The following PRKCI variants were observed in gnomAD, a reference collection of about 807,000 sequenced individuals.
PRKCI encodes protein kinase C iota type.
Under a neutral mutation model 84.0 loss-of-function variants are expected in PRKCI, and 43 were observed. That is an observed-to-expected ratio of 0.51 (90% CI 0.40 to 0.66). The LOEUF (loss-of-function observed/expected upper bound fraction) is 0.66, where lower values mean the gene tolerates loss of function less well. Among genes scored for constraint, PRKCI ranks in the 30% least tolerant of loss-of-function variants. The pLI is 0.00. For missense variants in PRKCI, 459 were observed against 745.6 expected, an observed-to-expected ratio of 0.62 and a Z score of 4.48; for synonymous variants, 216 against 234.4, an observed-to-expected ratio of 0.92 and a Z score of 0.72.
chr3:170,282,482 A>C (rs1734271663), intron 11 of PRKCI, among the ~76,000 whole-genome samples: 1 of 150,490 alleles, frequency 6.6e-6, no homozygotes, highest in Non-Finnish European at 1.5e-5. Context: ...GGATCACCTG[A>C]GGTCAGGAGT....
intron 4 of PRKCI, among the ~76,000 whole-genome samples, chr3:170,264,893 A>C (rs1379420886): frequency 6.6e-6 from 1 of 152,034 alleles, no homozygotes; most frequent in East Asian, 1.9e-4. Context: ...CTGAATAGAA[A>C]CTGCACTCCA....
At chr3:170,227,357 G>T (rs1732657420) in intron 1 of PRKCI, among the ~76,000 whole-genome samples, 1 of 152,182 alleles carries the variant, frequency 6.6e-6, no homozygotes, top group Non-Finnish European at 1.5e-5. Flanking sequence ...GGTAGGTAAG[G>T]CTCTGCCTTT....
intron 1 of PRKCI, among the ~76,000 whole-genome samples, chr3:170,232,559 C>T (rs993274780): frequency 5.3e-5 from 8 of 151,430 alleles, no homozygotes; most frequent in African/African-American, 1.5e-4. Context: ...ACCCACAATA[C>T]AAAGCTGGGT....
rs768272252 is a variant in PRKCI at position 170,297,423 on chromosome 3, G to A, written c.1587+30G>A. On this transcript the variant is annotated intron_variant, in intron 16 of 17. Coordinates refer to ENST00000295797, the MANE Select transcript of PRKCI (RefSeq NM_002740.6). ...GTAAATTTTGATTACTCAACTATTA[G>A]GTTTCATTATTATCTTGGGCCAATT... 3.2e-6 allele frequency: 5 copies of A among 1,546,966 alleles called. No individual in the cohort carries two copies. In the South Asian group the frequency reaches 4.6e-5, roughly 14 times the overall value.
chr3:170,254,482 T>C lies in PRKCI; in HGVS notation c.224-5487T>C, dbSNP rs1733534625. Among the ~76,000 whole-genome samples, 3 of 152,226 alleles carry C rather than the reference T, an allele frequency of 2.0e-5. No individual in the cohort carries two copies. The South Asian group carries it at 6.2e-4, about 31-fold the overall frequency. On this transcript the variant is annotated intron_variant, in intron 2 of 17. Coordinates refer to ENST00000295797, the MANE Select transcript of PRKCI (RefSeq NM_002740.6). ...AATTCATTTTGATTTGATTTTTGTA[T>C]ATGGCGAGAAATAGGGGTCTAGTTT...
chr3:170,261,127 A>AT lies in PRKCI; in HGVS notation c.313+1087dup, dbSNP rs982994574. ...ACTGCCGCACCACTATGACTGGCTA[A>AT]TTTTTTTTTTTTTTTTTTGTATAGA... On this transcript the variant is annotated intron_variant, in intron 3 of 17. Transcript: ENST00000295797. 4.6e-3 allele frequency among the ~76,000 whole-genome samples: 618 copies of AT among 134,596 alleles called. 4 individuals are homozygous for AT. The highest frequency in any genetic ancestry group is 0.017 in the South Asian group (74 of 4,252). The allele number at this position is 134,596 out of a possible 152,430, so 88.3% of individuals were successfully genotyped here.
At chr3:170,300,090 T>A (rs1054375504) in intron 17 of PRKCI, among the ~76,000 whole-genome samples, 2 of 152,222 alleles carry the variant, frequency 1.3e-5, no homozygotes, top group Non-Finnish European at 2.9e-5. Context: ...AGGGAGGCCC[T>A]TATTGTTTGG....
At chr3:170,275,845 T>TA (rs1205824095) in intron 8 of PRKCI, among the ~76,000 whole-genome samples, 18 of 152,098 alleles carry the variant, frequency 1.2e-4, no homozygotes, top group Non-Finnish European at 1.2e-4. Context: ...CCATAATATT[T>TA]ATATTTCTGT....
At chr3:170,285,235 A>G (rs1206660711) in intron 12 of PRKCI, among the ~76,000 whole-genome samples, 1 of 151,832 alleles carries the variant, frequency 6.6e-6, no homozygotes, top group Admixed American at 6.6e-5. Context: ...GCCTGCCACC[A>G]CGCCCAGCTA....
intron 8 of PRKCI, among the ~76,000 whole-genome samples, chr3:170,279,231 A>G (rs1167194166): frequency 1.3e-5 from 2 of 152,072 alleles, no homozygotes; most frequent in Non-Finnish European, 1.5e-5. Flanking sequence ...GTTTCTTGGC[A>G]CATTGCCCAG....
chr3:170,234,689 A>G (rs1455566305), intron 1 of PRKCI, among the ~76,000 whole-genome samples: 1 of 152,214 alleles, frequency 6.6e-6, no homozygotes, highest in Non-Finnish European at 1.5e-5. Flanking sequence ...CTTTAAATCA[A>G]GCAATTCTCT....
intron 4 of PRKCI, among the ~76,000 whole-genome samples, chr3:170,264,855 G>A (rs543337161): frequency 5.3e-5 from 8 of 152,178 alleles, no homozygotes; most frequent in African/African-American, 1.9e-4. Flanking sequence ...TAGCCATTGG[G>A]TCCCACAGCA....
intron 2 of PRKCI, among the ~76,000 whole-genome samples, chr3:170,258,583 A>C (rs1406175044): frequency 3.3e-5 from 5 of 152,134 alleles, no homozygotes; most frequent in Non-Finnish European, 7.4e-5. Context: ...ATTACAGGCC[A>C]CCACACCTGG....
At chr3:170,240,849 C>G (rs1243484497) in intron 2 of PRKCI, among the ~76,000 whole-genome samples, 1 of 152,268 alleles carries the variant, frequency 6.6e-6, no homozygotes. Flanking sequence ...TCCTTGTACT[C>G]AAAACCAGTC....
chr3:170,284,271 G>GA (rs1353457401), intron 11 of PRKCI, among the ~76,000 whole-genome samples, 190 bp from the exon 12 acceptor site: 1 of 152,128 alleles, frequency 6.6e-6, no homozygotes, highest in Non-Finnish European at 1.5e-5. Flanking sequence ...GTTTAAGTTA[G>GA]ACAGGAACTT....
rs1734563005 is a variant in PRKCI, at chr3:170,291,943, TAATA to T, written c.1291+10_1291+13del. On this transcript the variant is annotated splice_donor_5th_base_variant and intron_variant, in intron 13 of 17. Transcript: ENST00000295797. The stretch of plus-strand genomic sequence containing the variant: ...AAATTTTAAGAGGAGAAGATTATGG[TAATA>T]AATAAATTGGTGGTATTATTTTAGC... 3 of 1,572,540 alleles carry T rather than the reference TAATA, an allele frequency of 1.9e-6. No individual in the cohort carries two copies. The highest frequency in any genetic ancestry group is 2.6e-6 in the Non-Finnish European group (3 of 1,142,362).
intron 11 of PRKCI, among the ~76,000 whole-genome samples, chr3:170,282,366 G>A (rs1175241334): frequency 1.3e-5 from 2 of 151,992 alleles, no homozygotes; most frequent in African/African-American, 4.8e-5. Flanking sequence ...AGTTCTTCAC[G>A]ATAAGAGTGC....
At chr3:170,280,155 C>T in intron 8 of PRKCI, 72 bp from the exon 9 acceptor site, 1 of 1,266,100 alleles carries the variant, frequency 7.9e-7, no homozygotes, top group Non-Finnish European at 1.1e-6. Context: ...ATAGGTACAA[C>T]TAGGTGTTAG....
At chr3:170,295,143 G>A (rs945802805) in intron 14 of PRKCI, among the ~76,000 whole-genome samples, 9 of 151,984 alleles carry the variant, frequency 5.9e-5, no homozygotes, top group African/African-American at 1.9e-4. Flanking sequence ...GCCTGGAGGC[G>A]GAGGTTGCAG....
Sources: gnomAD v4.1 joint callset for allele counts (sites outside exome capture counted in the v4.1 genomes callset) on GRCh38, gnomAD v4.1.1 for gene constraint, MANE v1.5 for transcripts, NCBI Gene and HGNC (gene_info 2026-07-23, HGNC 2026-07-21) for gene names.